Variants in EPHB1 observed in about 807,000 individuals in gnomAD.
EPHB1 encodes EPH receptor B1.
EPHB1 carries 30 observed loss-of-function variants against 94.4 expected under a neutral mutation model. The ratio of observed to expected loss-of-function variants is 0.32; its 90% confidence interval spans 0.24 to 0.43. The LOEUF (loss-of-function observed/expected upper bound fraction) is 0.43. EPHB1 is among the 20% of genes least tolerant of loss of function. EPHB1 has a pLI of 1.00. For synonymous variants in EPHB1, 522 were observed against 489.1 expected, an observed-to-expected ratio of 1.07 and a Z score of -0.89; for missense variants, 1,055 against 1,308.3, an observed-to-expected ratio of 0.81 and a Z score of 2.99.
intron 3 of EPHB1, among the ~76,000 whole-genome samples, chr3:135,094,646 G>T (rs1205270211): frequency 1.3e-5 from 2 of 152,192 alleles, no homozygotes; most frequent in Non-Finnish European, 2.9e-5. Context: ...AAGTACAGTT[G>T]TTCCCAGCTA....
chr3:134,909,758 C>T (rs1420632452), intron 1 of EPHB1, among the ~76,000 whole-genome samples: 1 of 152,222 alleles, frequency 6.6e-6, no homozygotes, highest in Admixed American at 6.5e-5. Flanking sequence ...ACCTTCACCC[C>T]TACCTCCACA....
chr3:135,153,385 T>C (rs902029396), intron 5 of EPHB1, among the ~76,000 whole-genome samples: 1 of 152,186 alleles, frequency 6.6e-6, no homozygotes, highest in African/African-American at 2.4e-5. Flanking sequence ...GCTTACACCA[T>C]GTGAAAAATG....
At chr3:134,990,418 G>A (rs1478506585) in intron 3 of EPHB1, among the ~76,000 whole-genome samples, 1 of 151,984 alleles carries the variant, frequency 6.6e-6, no homozygotes, top group Non-Finnish European at 1.5e-5. Context: ...TTTGTTTTTG[G>A]ATAGAGCCTC....
At chr3:135,179,786 T>G (rs1942102965) in intron 9 of EPHB1, 74 bp from the exon 10 acceptor site, 2 of 1,581,644 alleles carry the variant, frequency 1.3e-6, no homozygotes, top group South Asian at 2.3e-5. Flanking sequence ...CCCTTAGTGC[T>G]GGGGACATCA....
intron 1 of EPHB1, among the ~76,000 whole-genome samples, chr3:134,802,011 C>G (rs2035943165): frequency 6.6e-6 from 1 of 152,228 alleles, no homozygotes; most frequent in South Asian, 2.1e-4. Flanking sequence ...AACAAGTGCA[C>G]AGTTAGCTCT....
chr3:134,848,715 C>T (rs547627121), intron 1 of EPHB1, among the ~76,000 whole-genome samples: 4 of 152,326 alleles, frequency 2.6e-5, no homozygotes, highest in African/African-American at 9.6e-5. Flanking sequence ...GGTAGGCAGT[C>T]TTCAGCCCAA....
intron 12 of EPHB1, among the ~76,000 whole-genome samples, chr3:135,217,423 ACCACACAC>A (rs1943172770): frequency 1.1e-5 from 1 of 92,402 alleles, no homozygotes; most frequent in Non-Finnish European, 2.2e-5. Flanking sequence ...TCCCATCAGT[ACCACACAC>A]ACACACACAC....
intron 3 of EPHB1, among the ~76,000 whole-genome samples, chr3:135,062,371 G>T (rs889351637): frequency 6.6e-6 from 1 of 152,076 alleles, no homozygotes; most frequent in Non-Finnish European, 1.5e-5. Context: ...TTAATTTTTT[G>T]ATTATGGCCA....
intron 5 of EPHB1, among the ~76,000 whole-genome samples, chr3:135,142,187 A>G (rs773285761): frequency 6.6e-6 from 1 of 152,212 alleles, no homozygotes; most frequent in Non-Finnish European, 1.5e-5. Context: ...ATTGGGGTTG[A>G]AAGTTTGAGG....
intron 2 of EPHB1, among the ~76,000 whole-genome samples, chr3:134,946,827 C>G (rs115456961): frequency 9.1e-4 from 138 of 152,292 alleles, no homozygotes; most frequent in African/African-American, 3.1e-3. Context: ...CTTCCTGAGG[C>G]CTCACCAGAA....
intron 1 of EPHB1, among the ~76,000 whole-genome samples, chr3:134,856,983 G>A (rs1473582455): frequency 6.6e-6 from 1 of 152,264 alleles, no homozygotes; most frequent in Non-Finnish European, 1.5e-5. Context: ...TGCATAAAAT[G>A]CATCTAAAGA....
At chr3:134,893,426 G>T (rs1213499617) in intron 1 of EPHB1, among the ~76,000 whole-genome samples, 1 of 152,106 alleles carries the variant, frequency 6.6e-6, no homozygotes, top group East Asian at 1.9e-4. Context: ...CCTTAATGTG[G>T]CCTGCAAGGT....
intron 12 of EPHB1, among the ~76,000 whole-genome samples, chr3:135,206,748 C>T (rs1406685595): frequency 6.6e-6 from 1 of 152,134 alleles, no homozygotes; most frequent in African/African-American, 2.4e-5. Flanking sequence ...ACTTGGGAGG[C>T]TAAGGCAGGA....
At chr3:135,129,642 G>A (rs938894287) in intron 4 of EPHB1, among the ~76,000 whole-genome samples, 2 of 152,206 alleles carry the variant, frequency 1.3e-5, no homozygotes, top group Non-Finnish European at 2.9e-5. Context: ...AGTGTGGTGA[G>A]GATGACAAAG....
intron 10 of EPHB1, among the ~76,000 whole-genome samples, chr3:135,188,352 G>A (rs749641528): frequency 5.5e-5 from 8 of 145,782 alleles, no homozygotes; most frequent in South Asian, 2.2e-4. Flanking sequence ...AAAATTAGCC[G>A]GGCGTTGTGG....
chr3:135,123,049 T>C (rs1467362311), intron 4 of EPHB1, among the ~76,000 whole-genome samples: 1 of 152,126 alleles, frequency 6.6e-6, no homozygotes, highest in African/African-American at 2.4e-5. Context: ...GTGAAATCTT[T>C]CCCCAGCCCC....
chr3:135,228,743 C>T (rs535043998), intron 12 of EPHB1, among the ~76,000 whole-genome samples: 1 of 134,274 alleles, frequency 7.4e-6, no homozygotes, highest in South Asian at 2.7e-4. Flanking sequence ...GGGGTGACAG[C>T]GTGGGTGGGG....
At chr3:135,038,829 C>A (rs1936732664) in intron 3 of EPHB1, among the ~76,000 whole-genome samples, 1 of 152,094 alleles carries the variant, frequency 6.6e-6, no homozygotes, top group Admixed American at 6.5e-5. Flanking sequence ...AAAGCTTCCA[C>A]AGTGTGGAAG....
intron 3 of EPHB1, among the ~76,000 whole-genome samples, chr3:135,051,547 A>G (rs185332022): frequency 6.6e-6 from 1 of 152,342 alleles, no homozygotes; most frequent in African/African-American, 2.4e-5. Context: ...CATAGCTTCA[A>G]GATTGATTAG....
Sources: allele counts gnomAD v4.1 joint callset (sites outside exome capture counted in the v4.1 genomes callset), GRCh38; gene constraint gnomAD v4.1.1; transcripts MANE v1.5; gene names NCBI Gene and HGNC (gene_info 2026-07-23, HGNC 2026-07-21).